The following SEMA3D variants were observed in gnomAD, a reference collection of about 807,000 sequenced individuals.
SEMA3D encodes the protein semaphorin-3D.
Under a neutral mutation model 100.1 loss-of-function variants are expected in SEMA3D, and 84 were observed. That is an observed-to-expected ratio of 0.84 (90% CI 0.70 to 1.01). SEMA3D has a LOEUF of 1.01. Among genes scored for constraint, SEMA3D ranks in the 50% least tolerant of loss-of-function variants. The pLI is 0.00. For synonymous variants in SEMA3D, 312 were observed against 320.7 expected (o/e 0.97, Z 0.29); for missense variants, 875 against 934.1 (o/e 0.94, Z 0.82).
intron 6 of SEMA3D, among the ~76,000 whole-genome samples, chr7:85,069,188 TA>T (rs988058339): frequency 1.3e-5 from 2 of 152,072 alleles, no homozygotes; most frequent in African/African-American, 4.8e-5. Context: ...ACACATGTAA[TA>T]AAAAAGGACC....
At chr7:85,007,447 A>G (rs1160667041) in intron 17 of SEMA3D, among the ~76,000 whole-genome samples, 2 of 151,728 alleles carry the variant, frequency 1.3e-5, no homozygotes, top group Non-Finnish European at 2.9e-5. Flanking sequence ...ACAAAATTCT[A>G]TGATGATGAT....
At chr7:85,245,951 A>G in the SEMA3D span, among the ~76,000 whole-genome samples, 101,415 of 151,884 alleles carry the variant, frequency 0.67, 34,140 homozygotes, top group Middle Eastern at 0.78. Context: ...CTGGAAAATA[A>G]TTTGGTAACA....
At chr7:85,041,015 TA>T in intron 10 of SEMA3D, 1 of 215,332 alleles carries the variant, frequency 4.6e-6, no homozygotes, top group Non-Finnish European at 9.0e-6. Context: ...CCCTCTAGTG[TA>T]AAAAAATTCT....
In SEMA3D at chr7:85,106,809, A is replaced by C. The variant is rs143971871; in HGVS notation, c.152-8844T>G. Among the ~76,000 whole-genome samples the C allele has an allele frequency of 6.8e-3, 1,040 of 152,168 alleles. 15 individuals are homozygous for C. The highest frequency in any genetic ancestry group is 0.024 in the African/African-American group (996 of 41,550). ...GGGCAGCAGGATGAAAAATGAGTGC[A>C]AGCAGGGGAAATGCCAGATGCTTAT... On this transcript the variant is annotated intron_variant, in intron 3 of 18. Coordinates refer to ENST00000284136, the MANE Select transcript of SEMA3D (RefSeq NM_001384900.1).
At chr7:85,199,141 T>C in the SEMA3D span, among the ~76,000 whole-genome samples, 1 of 152,114 alleles carries the variant, frequency 6.6e-6, no homozygotes, top group Non-Finnish European at 1.5e-5. Flanking sequence ...AAATCTATTG[T>C]AGCTCTGTGA....
At chr7:85,095,010 T>C (rs775235325) in intron 4 of SEMA3D, among the ~76,000 whole-genome samples, 2 of 151,512 alleles carry the variant, frequency 1.3e-5, no homozygotes. Context: ...AACAAAGAAA[T>C]AAAAAACAAC....
chr7:85,163,755 G>T (rs988294185), intron 1 of SEMA3D, among the ~76,000 whole-genome samples: 1 of 152,024 alleles, frequency 6.6e-6, no homozygotes, highest in Non-Finnish European at 1.5e-5. Flanking sequence ...CTCATTCCCA[G>T]AATTGCTTTC....
chr7:85,244,774 G>C, the SEMA3D span, among the ~76,000 whole-genome samples: 2 of 145,492 alleles, frequency 1.4e-5, no homozygotes, highest in Non-Finnish European at 1.5e-5. Flanking sequence ...GCAGTGGTGC[G>C]ATCTTGGCTC....
chr7:85,059,624 A>G (rs113259826), intron 8 of SEMA3D, among the ~76,000 whole-genome samples: 1 of 152,266 alleles, frequency 6.6e-6, no homozygotes, highest in Non-Finnish European at 1.5e-5. Context: ...CTAGAGAGAA[A>G]ATGAGAACTC....
intron 6 of SEMA3D, among the ~76,000 whole-genome samples, chr7:85,070,926 G>A (rs745597924): frequency 7.2e-5 from 11 of 152,088 alleles, no homozygotes; most frequent in Admixed American, 1.3e-4. Context: ...GATTACAGGC[G>A]CATGCCACCA....
At chr7:85,068,409 C>T in intron 6 of SEMA3D, 125 bp from the exon 7 acceptor site, 1 of 617,882 alleles carries the variant, frequency 1.6e-6, no homozygotes. Context: ...ATAGCATGTG[C>T]ATAATGCTGA....
chr7:85,248,748 C>A, the SEMA3D span, among the ~76,000 whole-genome samples: 2 of 151,804 alleles, frequency 1.3e-5, no homozygotes, highest in African/African-American at 4.8e-5. Context: ...CTGTATGATT[C>A]TAATAAATCA....
At chr7:85,057,399 AAAG>A (rs1428984072) in intron 8 of SEMA3D, among the ~76,000 whole-genome samples, 1 of 152,194 alleles carries the variant, frequency 6.6e-6, no homozygotes, top group African/African-American at 2.4e-5. Context: ...TGGCACCTGG[AAAG>A]AAGAACAGAG....
the SEMA3D span, among the ~76,000 whole-genome samples, chr7:85,206,258 A>G: frequency 2.6e-5 from 4 of 152,220 alleles, no homozygotes; most frequent in East Asian, 1.9e-4. Flanking sequence ...TCTATTCTCC[A>G]TGAACTGGAA....
chr7:85,212,966 A>T, the SEMA3D span, among the ~76,000 whole-genome samples: 1 of 152,144 alleles, frequency 6.6e-6, no homozygotes, highest in South Asian at 2.1e-4. Flanking sequence ...TATTTTGTCA[A>T]ATATTAAAAG....
At chr7:85,059,716 C>T (rs569571325) in intron 8 of SEMA3D, among the ~76,000 whole-genome samples, 1 of 152,200 alleles carries the variant, frequency 6.6e-6, no homozygotes, top group South Asian at 2.1e-4. Context: ...TTTCCTCAAT[C>T]ACTCAAATGG....
At chr7:85,109,689 A>C (rs546924296) in intron 3 of SEMA3D, among the ~76,000 whole-genome samples, 2 of 152,080 alleles carry the variant, frequency 1.3e-5, no homozygotes, top group Non-Finnish European at 2.9e-5. Context: ...AGTGTTTTTC[A>C]AATCTTCTGT....
At chr7:85,223,221 A>G in the SEMA3D span, among the ~76,000 whole-genome samples, 1 of 152,146 alleles carries the variant, frequency 6.6e-6, no homozygotes, top group South Asian at 2.1e-4. Context: ...AGCTAGCACA[A>G]CCACTGTGGA....
rs17159627 is a variant in SEMA3D at position 85,123,352 on chromosome 7, C to G, written c.-40-1421G>C. ...TAGATTTATTGGTGATAGCTTTGATCATAATAAAAAAAGCATTAGACTTTA... is the reference window on the plus strand; with the variant it reads ...TAGATTTATTGGTGATAGCTTTGATGATAATAAAAAAAGCATTAGACTTTA... On this transcript the variant is annotated intron_variant, in intron 2 of 18. Transcript: ENST00000284136. Among the ~76,000 whole-genome samples the G allele has an allele frequency of 1.2e-3, 180 of 152,030 alleles. 5 individuals carry two copies. In the East Asian group the frequency reaches 0.025, roughly 21 times the overall value.
Sources: allele counts gnomAD v4.1 joint callset (sites outside exome capture counted in the v4.1 genomes callset), GRCh38; gene constraint gnomAD v4.1.1; transcripts MANE v1.5; gene names NCBI Gene and HGNC (gene_info 2026-07-23, HGNC 2026-07-21).